BAZ2B: variants seen among roughly 807,000 people sequenced by gnomAD.
BAZ2B encodes the protein bromodomain adjacent to zinc finger domain 2B.
Under a neutral mutation model 246.0 loss-of-function variants are expected in BAZ2B, and 91 were observed. The ratio of observed to expected loss-of-function variants is 0.37; its 90% confidence interval spans 0.31 to 0.44. BAZ2B has a LOEUF of 0.44. Among genes scored for constraint, BAZ2B ranks in the 20% least tolerant of loss-of-function variants. BAZ2B has a pLI of 1.00. For missense variants in BAZ2B, 2,332 were observed against 2,533.7 expected (o/e 0.92, Z 1.71); for synonymous variants, 855 against 860.0 (o/e 0.99, Z 0.10).
At position 159,337,701 on chromosome 2, in the gene BAZ2B, T is replaced by C. The variant is rs1190686469; in HGVS notation, c.5526A>G (p.Lys1842=). Residue 1842 remains lysine, a synonymous_variant, in exon 32 of 37, where the codon AAA becomes AAG. Coordinates refer to ENST00000392783, the MANE Select transcript of BAZ2B (RefSeq NM_013450.4). ...ATTCTCCATCATGCTCCTTGCACAA[T>C]TTAGTAAATGATTTATGTTCAAAAT... ...LVYFEHKSFT[K]LCKEHDGEFT... is the part of the protein sequence containing the mutation. 1 of 1,614,194 alleles carries C rather than the reference T, an allele frequency of 6.2e-7. No individual in the cohort carries two copies. Among genetic ancestry groups the C allele is most frequent in the Admixed American group, 1.7e-5 (1 of 60,016 alleles).
At chr2:159,362,034 A>T (rs1310904284) in intron 27 of BAZ2B, among the ~76,000 whole-genome samples, 2 of 152,184 alleles carry the variant, frequency 1.3e-5, no homozygotes, top group African/African-American at 4.8e-5. Flanking sequence ...GCAGCAAACC[A>T]CCATGGCAAG....
intron 20 of BAZ2B, 59 bp downstream of exon 20, chr2:159,395,710 A>G (rs1326191341): frequency 1.3e-5 from 18 of 1,433,540 alleles, no homozygotes; most frequent in Non-Finnish European, 1.6e-5. Context: ...AGAAGAGCCA[A>G]TGCTTTAGGA....
intron 2 of BAZ2B, among the ~76,000 whole-genome samples, chr2:159,549,783 A>G (rs1230706600): frequency 1.3e-5 from 2 of 151,606 alleles, no homozygotes; most frequent in African/African-American, 4.8e-5. Context: ...TTAAAAAAAA[A>G]AAAAAAAGAC....
In BAZ2B at chr2:159,430,956, G is replaced by A; in HGVS notation, c.2101C>T (p.Pro701Ser). ...TPRNLHIAKA[P>S]GSAPAALCSE... ...CATAAGGCAGCAGGAGCAGAGCCTG[G>A]GGCTTTTGCTATGTGGAGGTTACGA... is the stretch of plus-strand genomic sequence containing the variant. Residue 701 changes from proline (P) to serine (S), a missense_variant, in exon 10 of 37, where the codon CCA becomes TCA. By Grantham distance (74) the Pro-to-Ser change is moderately conservative (BLOSUM62 -1). Coordinates refer to ENST00000392783, the MANE Select transcript of BAZ2B (RefSeq NM_013450.4). 6.2e-7 allele frequency: 1 copy of A among 1,614,006 alleles called. No individual in the cohort carries two copies. Among genetic ancestry groups the A allele is most frequent in the South Asian group, 1.1e-5 (1 of 91,078 alleles).
intron 13 of BAZ2B, among the ~76,000 whole-genome samples, chr2:159,416,059 T>C (rs1221843295): frequency 2.0e-5 from 3 of 152,154 alleles, no homozygotes; most frequent in African/African-American, 7.2e-5. Context: ...GTACTTGATG[T>C]TATAAAGATG....
chr2:159,657,970 G>A, the BAZ2B span, among the ~76,000 whole-genome samples: 9,026 of 152,208 alleles, frequency 0.059, 319 homozygotes, highest in East Asian at 0.14. Flanking sequence ...GTATGACACC[G>A]AATGGGAGCG....
At chr2:159,501,176 A>T (rs1359004589) in intron 2 of BAZ2B, among the ~76,000 whole-genome samples, 4 of 85,182 alleles carry the variant, frequency 4.7e-5, no homozygotes, top group Admixed American at 2.8e-4. Context: ...AATATATATT[A>T]TATATATTTA....
intron 34 of BAZ2B, among the ~76,000 whole-genome samples, chr2:159,326,202 T>C (rs1047996023): frequency 6.6e-6 from 1 of 152,176 alleles, no homozygotes; most frequent in Non-Finnish European, 1.5e-5. Flanking sequence ...GTAGTATTCT[T>C]TCAGTCTAGG....
chr2:159,538,391 C>T (rs1337382967), intron 2 of BAZ2B, among the ~76,000 whole-genome samples: 9 of 152,130 alleles, frequency 5.9e-5, no homozygotes, highest in Admixed American at 5.2e-4. Context: ...GCATGTGGTA[C>T]TCTGCATTTA....
chr2:159,467,403 T>C (rs770794031), intron 3 of BAZ2B, among the ~76,000 whole-genome samples: 8 of 152,138 alleles, frequency 5.3e-5, no homozygotes, highest in Non-Finnish European at 7.4e-5. Context: ...TGGTTCTGCC[T>C]CCCTCAGACG....
chr2:159,491,716 G>T (rs1230440236), intron 2 of BAZ2B, among the ~76,000 whole-genome samples: 1 of 17,930 alleles, frequency 5.6e-5, no homozygotes. Context: ...GCGAGACTCC[G>T]TCTCAAAAAA....
chr2:159,559,828 A>C (rs374165331), intron 1 of BAZ2B, among the ~76,000 whole-genome samples: 19 of 152,364 alleles, frequency 1.2e-4, no homozygotes, highest in African/African-American at 4.1e-4. Context: ...AATTACACAT[A>C]TAAAAAGTAA....
chr2:159,631,391 A>G, the BAZ2B span, among the ~76,000 whole-genome samples: 5 of 152,214 alleles, frequency 3.3e-5, no homozygotes, highest in Non-Finnish European at 7.3e-5. Context: ...GGACCAGTGT[A>G]TAGCAACCAG....
At chr2:159,373,247 A>G in intron 26 of BAZ2B, 58 bp from the exon 27 acceptor site, 5 of 1,489,342 alleles carry the variant, frequency 3.4e-6, no homozygotes, top group Non-Finnish European at 4.6e-6. Flanking sequence ...TTAAAAATTA[A>G]TATATATGTA....
intron 3 of BAZ2B, chr2:159,463,669 A>G (rs191246704): frequency 3.3e-5 from 5 of 151,970 alleles, no homozygotes; most frequent in African/African-American, 1.2e-4. Context: ...CTGGCCACTT[A>G]TATGTTTCTT....
upstream of BAZ2B, among the ~76,000 whole-genome samples, chr2:159,618,605 AAAT>A (rs1380376724): frequency 6.6e-6 from 1 of 152,154 alleles, no homozygotes; most frequent in Admixed American, 6.5e-5. Context: ...GTCATTAAAT[AAAT>A]AATATTTTTA....
At chr2:159,434,865 T>C (rs1347173844) in intron 8 of BAZ2B, 1 of 152,074 alleles carries the variant, frequency 6.6e-6, no homozygotes, top group Admixed American at 6.6e-5. Flanking sequence ...TATTAAGCCA[T>C]AAAATTTATG....
chr2:159,331,229 G>C (rs2064704944), intron 34 of BAZ2B, among the ~76,000 whole-genome samples: 1 of 152,198 alleles, frequency 6.6e-6, no homozygotes, highest in Non-Finnish European at 1.5e-5. Context: ...AAGGACAGCA[G>C]ATGTGCTGGC....
chr2:159,674,893 T>C, the BAZ2B span, among the ~76,000 whole-genome samples: 11 of 152,264 alleles, frequency 7.2e-5, no homozygotes, highest in Admixed American at 3.9e-4. Flanking sequence ...TAAAGAGAAA[T>C]GCAAAAATTT....
Sources: allele counts gnomAD v4.1 joint callset (sites outside exome capture counted in the v4.1 genomes callset), GRCh38; gene constraint gnomAD v4.1.1; transcripts MANE v1.5; gene names NCBI Gene and HGNC (gene_info 2026-07-23, HGNC 2026-07-21).